The following COG2 variants were observed in gnomAD, a reference collection of about 807,000 sequenced individuals.
COG2 encodes the protein conserved oligomeric Golgi complex subunit 2.
In COG2, 52 loss-of-function variants were observed where a neutral mutation model predicts 90.6. That is an observed-to-expected ratio of 0.57 (90% CI 0.46 to 0.72). COG2 has a LOEUF of 0.72. Among genes scored for constraint, COG2 ranks in the 30% least tolerant of loss-of-function variants. COG2 has a pLI of 0.00. For missense variants in COG2, 829 were observed against 891.2 expected (o/e 0.93, Z 0.89); for synonymous variants, 337 against 320.4 (o/e 1.05, Z -0.55).
At chr1:230,648,221 C>A (rs1661836011) in intron 1 of COG2, among the ~76,000 whole-genome samples, 1 of 152,224 alleles carries the variant, frequency 6.6e-6, no homozygotes, top group African/African-American at 2.4e-5. Context: ...CAAATTGTAA[C>A]CCATCTAGTG....
At chr1:230,684,906 G>A (rs1662847932) in intron 11 of COG2, among the ~76,000 whole-genome samples, 179 bp from the exon 12 acceptor site, 1 of 152,212 alleles carries the variant, frequency 6.6e-6, no homozygotes, top group Admixed American at 6.5e-5. Context: ...ATGTGGTAGG[G>A]AACTTGGATT....
chr1:230,668,919 G>C (rs1354544520), intron 6 of COG2, 135 bp downstream of exon 6: 2 of 562,218 alleles, frequency 3.6e-6, no homozygotes, highest in Non-Finnish European at 6.1e-6. Flanking sequence ...TAATTTTTTG[G>C]GCGCCAGCTT....
At chr1:230,691,252 C>G in intron 16 of COG2, 132 bp from the exon 17 acceptor site, 1 of 636,930 alleles carries the variant, frequency 1.6e-6, no homozygotes, top group Admixed American at 3.4e-5. Flanking sequence ...TAAATACTTA[C>G]CGTGGTTGAA....
chr1:230,675,833 T>C (rs577602412), intron 9 of COG2, among the ~76,000 whole-genome samples: 1 of 152,124 alleles, frequency 6.6e-6, no homozygotes, highest in East Asian at 1.9e-4. Context: ...CTTTTTCTTT[T>C]TCTGTGGAGA....
Position 230,659,541 on chromosome 1 carries a change from G to A in COG2, c.150G>A (p.Glu50=). 3 of 1,613,926 alleles carry A rather than the reference G, an allele frequency of 1.9e-6. No individual in the cohort carries two copies. Among genetic ancestry groups the A allele is most frequent in the African/African-American group, 2.7e-5 (2 of 75,036 alleles). The change falls in exon 2 of 18, where the codon GAG becomes GAA. Residue 50 remains glutamate (E), a synonymous_variant. Transcript: ENST00000366669. ...VQLEELRDDL[E]LYYKLLKTAM... Reference sequence around the variant, plus strand: ...TGGAAGAACTGAGAGATGACCTGGAGCTCTACTATAAACTTCTTAAAACAG... The same window carrying A: ...TGGAAGAACTGAGAGATGACCTGGAACTCTACTATAAACTTCTTAAAACAG...
intron 7 of COG2, 129 bp downstream of exon 7, chr1:230,669,664 G>A (rs1662400729): frequency 2.5e-6 from 2 of 797,924 alleles, no homozygotes; most frequent in South Asian, 4.7e-5. Context: ...TACAGTACCA[G>A]CTATAAGGAA....
chr1:230,678,113 A>G, intron 9 of COG2: 1 of 985,376 alleles, frequency 1.0e-6, no homozygotes. Context: ...TTTAATTGAG[A>G]AGAACATAAA....
At chr1:230,659,044 C>T (rs1571946914) in intron 1 of COG2, among the ~76,000 whole-genome samples, 1 of 151,894 alleles carries the variant, frequency 6.6e-6, no homozygotes, top group Non-Finnish European at 1.5e-5. Context: ...ATTAATAGTG[C>T]TTATCTCTAC....
chr1:230,686,720 T>C (rs114635765), intron 12 of COG2, among the ~76,000 whole-genome samples: 163 of 152,280 alleles, frequency 1.1e-3, no homozygotes, highest in African/African-American at 3.4e-3. Flanking sequence ...AGAAGGTAAA[T>C]GTACCTGGGG....
chr1:230,669,271 TA>T, intron 6 of COG2, 84 bp from the exon 7 acceptor site: 1 of 1,253,820 alleles, frequency 8.0e-7, no homozygotes. Flanking sequence ...TCTGTTGGTG[TA>T]AGAGGCTTGT....
rs891994901 is a variant in COG2 at position 230,660,955 on chromosome 1, T to C, written c.300+132T>C. The C allele has an allele frequency of 6.3e-6, 3 of 478,168 alleles. No individual in the cohort carries two copies. The Admixed American group carries it at 1.2e-4, about 20-fold the overall frequency. The allele number at this position is 478,168 out of a possible 1,614,324, so 29.6% of individuals were successfully genotyped here. A position where few individuals can be genotyped will look rare whatever the true frequency, so the allele number is the denominator to read the frequency against. On this transcript the variant is annotated intron_variant, in intron 3 of 17. Coordinates refer to ENST00000366669, the MANE Select transcript of COG2 (RefSeq NM_007357.3). ...TTTGAATGTTTAGTAATTATAATAC[T>C]CATCCTCAGAAAAGTTGTAAATCCT...
chr1:230,642,746 G>T (rs925730565), intron 1 of COG2, 68 bp downstream of exon 1: 1 of 1,453,980 alleles, frequency 6.9e-7, no homozygotes, highest in Non-Finnish European at 9.4e-7. Flanking sequence ...CTCTGTGGCG[G>T]TCTCTTCGGT....
chr1:230,645,371 AC>A (rs1661744269), intron 1 of COG2, among the ~76,000 whole-genome samples: 1 of 152,116 alleles, frequency 6.6e-6, no homozygotes, highest in East Asian at 1.9e-4. Flanking sequence ...AACCCACTTA[AC>A]CTAGGTATGC....
In COG2 at chr1:230,659,517, G is replaced by T. The variant is rs914293768; in HGVS notation, c.126G>T (p.Leu42=). 2.7e-5 allele frequency: 44 copies of T among 1,613,790 alleles called. No individual in the cohort carries two copies. The highest frequency in any genetic ancestry group is 6.7e-5 in the African/African-American group (5 of 74,918). The part of the protein sequence containing the change: ...FVSDCRKRVQ[L]EELRDDLELY... ...CTGACTGTAGGAAGCGGGTCCAGCT[G>T]GAAGAACTGAGAGATGACCTGGAGC... is the stretch of plus-strand genomic sequence containing the variant. Residue 42 remains leucine (L), a synonymous_variant, in exon 2 of 18, where the codon CTG becomes CTT. Transcript: ENST00000366669.
chr1:230,661,139 T>C (rs1312983746), intron 3 of COG2, among the ~76,000 whole-genome samples: 2 of 152,188 alleles, frequency 1.3e-5, no homozygotes, highest in Non-Finnish European at 1.5e-5. Context: ...ATGTAGGTAG[T>C]CACTAATTTA....
intron 1 of COG2, among the ~76,000 whole-genome samples, chr1:230,643,214 CTT>C (rs1361571022): frequency 6.6e-6 from 1 of 152,240 alleles, no homozygotes; most frequent in Non-Finnish European, 1.5e-5. Flanking sequence ...AACCATTACT[CTT>C]TAAAGAAGTT....
chr1:230,658,042 T>C (rs1662105467), intron 1 of COG2, among the ~76,000 whole-genome samples: 1 of 152,166 alleles, frequency 6.6e-6, no homozygotes, highest in South Asian at 2.1e-4. Flanking sequence ...AGTTTGTTAT[T>C]ACCCACCTTC....
intron 15 of COG2, among the ~76,000 whole-genome samples, chr1:230,689,496 A>C (rs1662968445): frequency 6.6e-6 from 1 of 152,208 alleles, no homozygotes. Context: ...TAGTATTGTC[A>C]TTTGCAGATG....
rs1662377068 is a variant in COG2, at chr1:230,668,656, ATAAC to A, written c.486-18_486-15del. 6.6e-7 allele frequency: 1 copy of A among 1,508,062 alleles called. No individual in the cohort carries two copies. The highest frequency in any genetic ancestry group is 1.7e-5 in the Admixed American group (1 of 58,622). The allele number at this position is 1,508,062 out of a possible 1,614,324, so 93.4% of individuals were successfully genotyped here. On this transcript the variant is annotated splice_polypyrimidine_tract_variant and intron_variant, in intron 5 of 17. Transcript: ENST00000366669. ...TAGAGACCTTAGGGGTTACACTTCT[ATAAC>A]TGTTTTCTCTACTAGCCCCCTTTTG...
Sources: gnomAD v4.1 joint callset for allele counts (sites outside exome capture counted in the v4.1 genomes callset) on GRCh38, gnomAD v4.1.1 for gene constraint, MANE v1.5 for transcripts, NCBI Gene and HGNC (gene_info 2026-07-23, HGNC 2026-07-21) for gene names.